HMGB1: variants seen among roughly 807,000 people sequenced by gnomAD.
The protein encoded by HMGB1 is high mobility group box 1, also known as high mobility group protein B1.
For synonymous variants in HMGB1, 81 were observed against 84.0 expected, an observed-to-expected ratio of 0.96 and a Z score of 0.19; for missense variants, 79 against 253.5, an observed-to-expected ratio of 0.31 and a Z score of 4.67.
At chr13:30,493,214 G>A (rs988293151) in intron 1 of HMGB1, among the ~76,000 whole-genome samples, 2 of 151,886 alleles carry the variant, frequency 1.3e-5, no homozygotes, top group Admixed American at 6.6e-5. Flanking sequence ...TAAACAAATT[G>A]GAGCATAGTC....
intron 1 of HMGB1, among the ~76,000 whole-genome samples, chr13:30,533,538 T>A (rs1352106669): frequency 2.6e-5 from 4 of 151,784 alleles, no homozygotes; most frequent in Admixed American, 2.0e-4. Flanking sequence ...CTAACTTTTG[T>A]ATTTTTAGTG....
chr13:30,614,557 G>C (rs1950542627), intron 1 of HMGB1, among the ~76,000 whole-genome samples: 1 of 152,152 alleles, frequency 6.6e-6, no homozygotes, highest in South Asian at 2.1e-4. Context: ...AGTGACTTGT[G>C]TAAGGTCACA....
At chr13:30,510,518 C>T (rs1377662138) in intron 1 of HMGB1, among the ~76,000 whole-genome samples, 1 of 151,488 alleles carries the variant, frequency 6.6e-6, no homozygotes, top group Non-Finnish European at 1.5e-5. Flanking sequence ...CCCAGTTTGC[C>T]TATTCCTTTC....
At chr13:30,487,048 AC>A (rs751355260) in intron 1 of HMGB1, among the ~76,000 whole-genome samples, 1 of 152,206 alleles carries the variant, frequency 6.6e-6, no homozygotes, top group Non-Finnish European at 1.5e-5. Flanking sequence ...AAAAAAGGAT[AC>A]AAGGGACATG....
intron 1 of HMGB1, chr13:30,554,021 G>C (rs1869557525): frequency 6.8e-7 from 1 of 1,477,148 alleles, no homozygotes; most frequent in South Asian, 1.1e-5. Context: ...GCATTGTGGA[G>C]AAAGAATCGG....
At chr13:30,504,073 G>C (rs1240295494) in intron 1 of HMGB1, among the ~76,000 whole-genome samples, 1 of 151,742 alleles carries the variant, frequency 6.6e-6, no homozygotes, top group Non-Finnish European at 1.5e-5. Context: ...GAAACTTTGA[G>C]ATACAAGGTG....
At chr13:30,555,831 A>T (rs1869661599) in intron 1 of HMGB1, among the ~76,000 whole-genome samples, 1 of 152,208 alleles carries the variant, frequency 6.6e-6, no homozygotes, top group Non-Finnish European at 1.5e-5. Context: ...GTCCTTATTT[A>T]AAAACTGCTA....
chr13:30,591,027 C>CTTT (rs910554887), intron 1 of HMGB1, among the ~76,000 whole-genome samples: 2,001 of 109,860 alleles, frequency 0.018, 92 homozygotes, highest in African/African-American at 0.067. Context: ...GAGGCAGGGC[C>CTTT]TTTTTTTTTT....
chr13:30,533,872 T>TA (rs1443610223), intron 1 of HMGB1, among the ~76,000 whole-genome samples: 2 of 151,962 alleles, frequency 1.3e-5, no homozygotes, highest in Non-Finnish European at 2.9e-5. Context: ...CTATCTTTTT[T>TA]TTTTTTTTTA....
chr13:30,554,337 C>T (rs991151774), intron 1 of HMGB1: 20 of 895,438 alleles, frequency 2.2e-5, no homozygotes, highest in East Asian at 4.8e-5. Context: ...ACTGGGTGCA[C>T]GGGCACCTTC....
At chr13:30,475,106 C>A (rs1163226352) in intron 1 of HMGB1, among the ~76,000 whole-genome samples, 1 of 106,762 alleles carries the variant, frequency 9.4e-6, no homozygotes, top group Non-Finnish European at 1.8e-5. Flanking sequence ...AGTGGTGCAA[C>A]CTTGGCTCAC....
chr13:30,559,762 T>C lies in HMGB1; in HGVS notation c.-15+56909A>G, dbSNP rs1447939628. Among the ~76,000 whole-genome samples, 1 of 152,162 alleles carries C rather than the reference T, an allele frequency of 6.6e-6. No homozygotes were observed. Among genetic ancestry groups the C allele is most frequent in the Non-Finnish European group, 1.5e-5 (1 of 68,034 alleles). ...CTCTCCATAACTACTAACAAGGGAC[T>C]GAGGAGAAGAATTTATATTAAAAGG... On this transcript the variant is annotated intron_variant, in intron 1 of 4. Transcript: ENST00000405805. This position sits in a 1 kb window ranked among gnomAD's most constrained non-coding sequence, Gnocchi z 6.6.
intron 1 of HMGB1, among the ~76,000 whole-genome samples, chr13:30,505,510 C>T (rs568109240): frequency 3.3e-5 from 5 of 152,084 alleles, no homozygotes; most frequent in African/African-American, 1.2e-4. Context: ...TGGGTTTCAC[C>T]ATATTGGTTA....
chr13:30,553,897 T>A, intron 1 of HMGB1: 1 of 1,369,708 alleles, frequency 7.3e-7, no homozygotes, highest in Non-Finnish European at 1.0e-6. Context: ...TTAGTTGACA[T>A]AGAAGAGGCA....
chr13:30,566,959 A>T (rs1870210379), intron 1 of HMGB1, among the ~76,000 whole-genome samples: 2 of 152,212 alleles, frequency 1.3e-5, no homozygotes, highest in African/African-American at 4.8e-5. Context: ...TAGAGATTTG[A>T]TGAACACGAG....
intron 1 of HMGB1, among the ~76,000 whole-genome samples, chr13:30,611,680 T>A (rs537108264): frequency 2.7e-4 from 41 of 152,304 alleles, no homozygotes; most frequent in Non-Finnish European, 4.3e-4. Context: ...TTTACAAACG[T>A]TTCTACTTCT....
intron 3 of HMGB1, among the ~76,000 whole-genome samples, chr13:30,462,915 G>C (rs1478209489): frequency 6.6e-6 from 1 of 152,092 alleles, no homozygotes; most frequent in East Asian, 1.9e-4. Context: ...TAGAACCCTA[G>C]ATGAACATTC....
At chr13:30,556,162 T>C (rs1467629346) in intron 1 of HMGB1, among the ~76,000 whole-genome samples, 1 of 152,204 alleles carries the variant, frequency 6.6e-6, no homozygotes, top group East Asian at 1.9e-4. Flanking sequence ...CCCAACACTT[T>C]GGGAGGCCAA....
At chr13:30,547,708 G>A (rs1432634611) in intron 1 of HMGB1, among the ~76,000 whole-genome samples, 1 of 152,110 alleles carries the variant, frequency 6.6e-6, no homozygotes, top group Non-Finnish European at 1.5e-5. Context: ...CTTGAAGTCA[G>A]GAGTTTGAGA....
Sources: gnomAD v4.1 joint callset for allele counts (sites outside exome capture counted in the v4.1 genomes callset) on GRCh38, gnomAD v4.1.1 for gene constraint, Gnocchi (gnomAD v3.1) non-coding constraint, MANE v1.5 for transcripts, NCBI Gene and HGNC (gene_info 2026-07-23, HGNC 2026-07-21) for gene names.